PRDM5: variants seen among roughly 807,000 people sequenced by gnomAD.
PRDM5 encodes PR domain zinc finger protein 5.
In PRDM5, 56 loss-of-function variants were observed where a neutral mutation model predicts 81.2. The observed-to-expected ratio is 0.69, with a 90% CI of 0.56 to 0.86. PRDM5 has a LOEUF of 0.86. PRDM5 is among the 40% of genes least tolerant of loss of function. The probability of loss-of-function intolerance (pLI) is 0.00; values close to 1 mark genes in which losing one functional copy is unlikely to be tolerated. For synonymous variants in PRDM5, 267 were observed against 256.4 expected, an observed-to-expected ratio of 1.04 and a Z score of -0.39; for missense variants, 697 against 770.1, an observed-to-expected ratio of 0.91 and a Z score of 1.12.
chr4:120,908,862 A>G (rs1264381963), intron 1 of PRDM5, among the ~76,000 whole-genome samples: 2 of 152,200 alleles, frequency 1.3e-5, no homozygotes, highest in Non-Finnish European at 2.9e-5. Context: ...CAATCCTCTC[A>G]TGCCTCACTA....
intron 3 of PRDM5, 147 bp from the exon 4 acceptor site, chr4:120,821,492 G>A (rs1755267141): frequency 2.7e-6 from 2 of 738,964 alleles, no homozygotes; most frequent in Admixed American, 2.9e-5. Flanking sequence ...TGCTGAAAAA[G>A]GCAGGTGACA....
chr4:120,849,014 T>C (rs1057422073), intron 3 of PRDM5, among the ~76,000 whole-genome samples: 1 of 152,194 alleles, frequency 6.6e-6, no homozygotes, highest in Non-Finnish European at 1.5e-5. Context: ...GCCACTTGTA[T>C]AAATCTGGTA....
At position 120,693,204 on chromosome 4, in the gene PRDM5, C is replaced by T. The variant is rs1734191159; in HGVS notation, c.*1907G>A. ...TGAACTGTGACTCACTGAGATTACA[C>T]AAAATTGGAATTTGGACTCCTTTCA... On this transcript the variant is annotated 3_prime_UTR_variant, in exon 16 of 16. Coordinates refer to ENST00000264808, the MANE Select transcript of PRDM5 (RefSeq NM_018699.4). 1 of 152,080 alleles carries T rather than the reference C, an allele frequency of 6.6e-6. No individual in the cohort carries two copies. The highest frequency in any genetic ancestry group is 6.6e-5 in the Admixed American group (1 of 15,240). The allele number at this position is 152,080 out of a possible 1,614,324, so 9.4% of individuals were successfully genotyped here.
intron 15 of PRDM5, 129 bp from the exon 16 acceptor site, chr4:120,695,404 G>A (rs1239508586): frequency 1.1e-5 from 11 of 1,013,562 alleles, no homozygotes; most frequent in East Asian, 2.6e-5. Context: ...CTTTGTACCC[G>A]AGTCACCCTT....
chr4:120,724,723 AC>A (rs1274768770), intron 14 of PRDM5, among the ~76,000 whole-genome samples: 3 of 152,234 alleles, frequency 2.0e-5, no homozygotes, highest in Non-Finnish European at 2.9e-5. Flanking sequence ...TCTAAAAAAA[AC>A]ATACTTATCC....
chr4:120,700,993 C>T (rs746036483), intron 15 of PRDM5, among the ~76,000 whole-genome samples: 5 of 151,948 alleles, frequency 3.3e-5, no homozygotes, highest in South Asian at 4.2e-4. Flanking sequence ...GGTGCGGTGG[C>T]GGGTGCCTGT....
chr4:120,813,028 T>A (rs977246292), intron 7 of PRDM5: 19 of 159,146 alleles, frequency 1.2e-4, no homozygotes, highest in African/African-American at 4.6e-4. Context: ...TAGAGTTTTA[T>A]AAAATCTTTA....
chr4:120,720,056 C>T (rs553434644), intron 14 of PRDM5, among the ~76,000 whole-genome samples: 22 of 152,120 alleles, frequency 1.4e-4, no homozygotes, highest in Non-Finnish European at 2.8e-4. Context: ...GACTGGTGAG[C>T]AGTAGATTCC....
intron 3 of PRDM5, among the ~76,000 whole-genome samples, chr4:120,821,562 A>ATGTCAAATG (rs1755275730): frequency 6.6e-6 from 1 of 152,192 alleles, no homozygotes; most frequent in Non-Finnish European, 1.5e-5. Flanking sequence ...ACATTTACAC[A>ATGTCAAATG]TGTCAAATGA....
intron 2 of PRDM5, among the ~76,000 whole-genome samples, chr4:120,871,906 A>G (rs1436747432): frequency 6.6e-6 from 1 of 151,974 alleles, no homozygotes; most frequent in Non-Finnish European, 1.5e-5. Context: ...TTATCCCAAC[A>G]CTTTGGGAGG....
intron 13 of PRDM5, among the ~76,000 whole-genome samples, chr4:120,767,406 T>C (rs1746536757): frequency 6.6e-6 from 1 of 152,224 alleles, no homozygotes; most frequent in Non-Finnish European, 1.5e-5. Context: ...TGGAGTCTTA[T>C]TTCCTCTTCA....
At chr4:120,851,002 C>G (rs1219353964) in intron 3 of PRDM5, among the ~76,000 whole-genome samples, 1 of 151,998 alleles carries the variant, frequency 6.6e-6, no homozygotes, top group East Asian at 1.9e-4. Flanking sequence ...TTTCCATTAA[C>G]TAAAGGGATC....
At chr4:120,818,617 A>G in intron 4 of PRDM5, 90 bp from the exon 5 acceptor site, 1 of 1,094,536 alleles carries the variant, frequency 9.1e-7, no homozygotes, top group Non-Finnish European at 1.4e-6. Flanking sequence ...TAATTAATTA[A>G]TTGTGCTTAA....
Position 120,754,654 on chromosome 4 carries a change from G to A in PRDM5, c.1538-16C>T, listed in dbSNP as rs761562923. The stretch of plus-strand genomic sequence containing the variant: ...GGACGCTCACCTACAAATAAAGGAA[G>A]CCTCCATGTCAGAAAAACATGAAGT... On this transcript the variant is annotated splice_polypyrimidine_tract_variant and intron_variant, in intron 13 of 15. Coordinates refer to ENST00000264808, the MANE Select transcript of PRDM5 (RefSeq NM_018699.4). 3.2e-6 allele frequency: 5 copies of A among 1,539,580 alleles called. No individual in the cohort carries two copies. Among genetic ancestry groups the A allele is most frequent in the Non-Finnish European group, 4.5e-6 (5 of 1,113,748 alleles).
At chr4:120,714,053 T>G (rs1426711440) in intron 14 of PRDM5, among the ~76,000 whole-genome samples, 1 of 152,192 alleles carries the variant, frequency 6.6e-6, no homozygotes, top group Non-Finnish European at 1.5e-5. Flanking sequence ...TGGTTAGGAT[T>G]TCACATAAGA....
chr4:120,835,080 A>G (rs1757179117), intron 3 of PRDM5, among the ~76,000 whole-genome samples: 1 of 152,230 alleles, frequency 6.6e-6, no homozygotes, highest in Non-Finnish European at 1.5e-5. Context: ...ATTTGAAAAA[A>G]TTGTTGAGCA....
At chr4:120,732,160 T>A (rs540693976) in intron 14 of PRDM5, among the ~76,000 whole-genome samples, 15 of 152,242 alleles carry the variant, frequency 9.9e-5, no homozygotes, top group Middle Eastern at 3.4e-3. Context: ...TAGCTGAACA[T>A]AAAAAAGGGA....
At chr4:120,821,425 G>T in intron 3 of PRDM5, 80 bp from the exon 4 acceptor site, 1 of 1,325,340 alleles carries the variant, frequency 7.5e-7, no homozygotes, top group Non-Finnish European at 1.1e-6. Context: ...ATACATTAAT[G>T]GAGTACTATG....
In PRDM5 at chr4:120,695,204, G is replaced by A; in HGVS notation, c.1800C>T (p.Pro600=). The change falls in exon 16 of 16, where the codon CCC becomes CCT. Residue 600 remains proline (P), a synonymous_variant. Transcript: ENST00000264808. Reference sequence around the variant, plus strand: ...TATGGCAAAACTGGCATTCTGCCAGGGGACGATTGGGATTATGAGTCATCT... The same window carrying A: ...TATGGCAAAACTGGCATTCTGCCAGAGGACGATTGGGATTATGAGTCATCT... ...RHKMTHNPNR[P]LAECQFCHKK... 6 of 1,613,578 alleles carry A rather than the reference G, an allele frequency of 3.7e-6. No homozygotes were observed. The highest frequency in any genetic ancestry group is 1.7e-4 in the Middle Eastern group (1 of 6,058).
Sources: gnomAD v4.1 joint callset for allele counts (sites outside exome capture counted in the v4.1 genomes callset) on GRCh38, gnomAD v4.1.1 for gene constraint, MANE v1.5 for transcripts, NCBI Gene and HGNC (gene_info 2026-07-23, HGNC 2026-07-21) for gene names.